Variants in CDK19 observed in about 807,000 individuals in gnomAD.
The protein encoded by CDK19 is cyclin dependent kinase 19, also known as cyclin-dependent kinase 19.
Under a neutral mutation model 68.3 loss-of-function variants are expected in CDK19, and 20 were observed. The observed-to-expected ratio is 0.29, with a 90% CI of 0.21 to 0.43. The LOEUF (loss-of-function observed/expected upper bound fraction) is 0.43. CDK19 is among the 20% of genes least tolerant of loss of function. The probability of loss-of-function intolerance (pLI) is 1.00; values close to 1 mark genes in which losing one functional copy is unlikely to be tolerated. For synonymous variants in CDK19, 221 were observed against 222.8 expected (o/e 0.99, Z 0.07); for missense variants, 339 against 623.5 (o/e 0.54, Z 4.86).
At chr6:110,760,601 T>C (rs893874733) in intron 1 of CDK19, among the ~76,000 whole-genome samples, 4 of 151,820 alleles carry the variant, frequency 2.6e-5, no homozygotes, top group Middle Eastern at 6.8e-3. Flanking sequence ...TGGTGGCACA[T>C]GCCTGTAGTC....
chr6:110,749,902 G>A (rs1275714482), intron 1 of CDK19, among the ~76,000 whole-genome samples: 1 of 129,258 alleles, frequency 7.7e-6, no homozygotes, highest in Non-Finnish European at 1.7e-5. Flanking sequence ...CTCCAGAGTA[G>A]CTGGGACTAC....
chr6:110,640,974 A>G (rs902153207), intron 4 of CDK19, among the ~76,000 whole-genome samples: 3 of 152,120 alleles, frequency 2.0e-5, no homozygotes, highest in Non-Finnish European at 2.9e-5. Flanking sequence ...ATTAAATAAA[A>G]TGAAAGAGTT....
chr6:110,719,231 C>T (rs1775637244), intron 2 of CDK19, among the ~76,000 whole-genome samples: 1 of 152,162 alleles, frequency 6.6e-6, no homozygotes, highest in Admixed American at 6.5e-5. Context: ...TGCCTATAAT[C>T]CTAACACTTT....
At chr6:110,693,456 G>T (rs1350710342) in intron 2 of CDK19, among the ~76,000 whole-genome samples, 1 of 152,226 alleles carries the variant, frequency 6.6e-6, no homozygotes, top group Admixed American at 6.5e-5. Context: ...GGTGGGAAGG[G>T]GCAAGGCTGG....
At chr6:110,789,309 T>C (rs1449042514) in intron 1 of CDK19, among the ~76,000 whole-genome samples, 1 of 152,082 alleles carries the variant, frequency 6.6e-6, no homozygotes, top group East Asian at 1.9e-4. Context: ...AAGTGGAGTC[T>C]TGCCCTGTCA....
At chr6:110,683,334 T>C (rs1772176940) in intron 2 of CDK19, among the ~76,000 whole-genome samples, 1 of 152,194 alleles carries the variant, frequency 6.6e-6, no homozygotes, top group South Asian at 2.1e-4. Flanking sequence ...GGCATTGTTC[T>C]TGATAAACAG....
At chr6:110,774,548 A>G (rs917313960) in intron 1 of CDK19, among the ~76,000 whole-genome samples, 4 of 152,212 alleles carry the variant, frequency 2.6e-5, no homozygotes, top group Admixed American at 1.3e-4. Context: ...TGAAACACGA[A>G]ATCTTTATTT....
intron 4 of CDK19, among the ~76,000 whole-genome samples, chr6:110,666,625 C>T (rs1781961690): frequency 1.3e-5 from 2 of 151,948 alleles, no homozygotes; most frequent in South Asian, 2.1e-4. Context: ...AAACACTGCT[C>T]ATCAGTTAAT....
chr6:110,805,323 CACA>C (rs1457817137), intron 1 of CDK19, among the ~76,000 whole-genome samples: 1 of 152,028 alleles, frequency 6.6e-6, no homozygotes, highest in Non-Finnish European at 1.5e-5. Context: ...ATTATATAGT[CACA>C]ACATTATAAC....
At chr6:110,765,488 C>G (rs992512352) in intron 1 of CDK19, among the ~76,000 whole-genome samples, 1 of 151,646 alleles carries the variant, frequency 6.6e-6, no homozygotes, top group African/African-American at 2.4e-5. Context: ...ACCATCCTGC[C>G]CAACAACATG....
At chr6:110,796,812 A>G (rs935738241) in intron 1 of CDK19, among the ~76,000 whole-genome samples, 3 of 150,972 alleles carry the variant, frequency 2.0e-5, no homozygotes, top group Non-Finnish European at 4.4e-5. Flanking sequence ...GTTCGAGACC[A>G]GCCTGGCCAA....
intron 1 of CDK19, among the ~76,000 whole-genome samples, chr6:110,770,698 A>T (rs1056175284): frequency 6.6e-5 from 10 of 152,102 alleles, no homozygotes; most frequent in Admixed American, 6.6e-4. Flanking sequence ...CATTAACCCA[A>T]AAGTCCACAG....
upstream of CDK19, chr6:110,815,710 G>A (rs1033584168): frequency 6.6e-6 from 1 of 152,652 alleles, no homozygotes; most frequent in African/African-American, 2.4e-5. Context: ...TGCGGTTCTC[G>A]GGGAGACACT....
intron 2 of CDK19, among the ~76,000 whole-genome samples, chr6:110,712,346 T>A (rs1010825263): frequency 2.0e-5 from 3 of 152,200 alleles, no homozygotes; most frequent in African/African-American, 7.2e-5. Context: ...TAATACTCTA[T>A]GGAACATAAT....
chr6:110,749,650 G>A (rs892547431), intron 1 of CDK19, among the ~76,000 whole-genome samples: 1 of 151,954 alleles, frequency 6.6e-6, no homozygotes, highest in African/African-American at 2.4e-5. Context: ...CTGTACCACC[G>A]CGCCCTCCTG....
chr6:110,809,035 T>C (rs1782879816), intron 1 of CDK19, among the ~76,000 whole-genome samples: 1 of 146,328 alleles, frequency 6.8e-6, no homozygotes, highest in Middle Eastern at 3.6e-3. Flanking sequence ...GGAAACCCCA[T>C]CTCTACTAAA....
intron 2 of CDK19, among the ~76,000 whole-genome samples, chr6:110,675,377 C>T (rs1771418057): frequency 6.6e-6 from 1 of 152,086 alleles, no homozygotes; most frequent in African/African-American, 2.4e-5. Flanking sequence ...CCTGTAATCC[C>T]AGCACTTTGA....
In CDK19 at chr6:110,683,696, T is replaced by A. The variant is rs956964121; in HGVS notation, c.205-13155A>T. 2.3e-4 allele frequency among the ~76,000 whole-genome samples: 35 copies of A among 150,354 alleles called. 1 individual carries two copies. The highest frequency in any genetic ancestry group is 8.9e-5 in the Non-Finnish European group (6 of 67,758). On this transcript the variant is annotated intron_variant, in intron 2 of 12. Transcript: ENST00000368911. ...ACCTATTCTTTTTTAGTATAAGTATTTAATCTTTTTTTTTTTTTTTTTTGG... is the reference window on the plus strand; with the variant it reads ...ACCTATTCTTTTTTAGTATAAGTATATAATCTTTTTTTTTTTTTTTTTTGG...
Position 110,760,381 on chromosome 6 carries a change from A to G in CDK19, c.129-14180T>C, listed in dbSNP as rs112763555. Among the ~76,000 whole-genome samples, 1,164 of 131,708 alleles carry G rather than the reference A, an allele frequency of 8.8e-3. 17 individuals carry two copies. The highest frequency in any genetic ancestry group is 0.032 in the African/African-American group (1,110 of 34,464). 86.4% of individuals were successfully genotyped at this position (131,708 alleles called of 152,430 possible). On this transcript the variant is annotated intron_variant, in intron 1 of 12. Transcript: ENST00000368911. The stretch of plus-strand genomic sequence containing the variant: ...CACTGCATTCCAGCCTGGGCCACAG[A>G]GCAAGGCTTTGTCTCAAAAAAAAAA...
Sources: allele counts gnomAD v4.1 joint callset (sites outside exome capture counted in the v4.1 genomes callset), GRCh38; gene constraint gnomAD v4.1.1; transcripts MANE v1.5; gene names NCBI Gene and HGNC (gene_info 2026-07-23, HGNC 2026-07-21).